DNAI7: variants seen among roughly 807,000 people sequenced by gnomAD.
The protein encoded by DNAI7 is dynein axonemal intermediate chain 7, also known as cancer susceptibility 1.
A neutral mutation model predicts 86.6 loss-of-function variants in DNAI7; 78 were observed. The observed-to-expected ratio is 0.90, with a 90% CI of 0.75 to 1.09. The LOEUF (loss-of-function observed/expected upper bound fraction) is 1.09. DNAI7 is among the 50% of genes least tolerant of loss of function. The pLI, the probability that DNAI7 is intolerant of heterozygous loss-of-function variation, is 0.00. For missense variants in DNAI7, 753 were observed against 810.2 expected (o/e 0.93, Z 0.86); for synonymous variants, 274 against 273.0 (o/e 1.00, Z -0.04).
downstream of DNAI7, chr12:25,108,257 TTGAA>T (rs2140298544): frequency 5.1e-6 from 3 of 592,828 alleles, no homozygotes; most frequent in East Asian, 2.8e-5. Context: ...CCTATGATCT[TTGAA>T]TGAGCTTTTT....
intron 9 of DNAI7, among the ~76,000 whole-genome samples, chr12:25,135,902 AT>A (rs1943492776): frequency 6.6e-6 from 1 of 151,906 alleles, no homozygotes; most frequent in Non-Finnish European, 1.5e-5. Context: ...CCTCCACCTG[AT>A]GGTCTTTCTT....
At chr12:25,145,937 T>A (rs570680900) in intron 8 of DNAI7, among the ~76,000 whole-genome samples, 1 of 152,334 alleles carries the variant, frequency 6.6e-6, no homozygotes, top group South Asian at 2.1e-4. Context: ...AAACCTATTA[T>A]GTTTGCCGGG....
chr12:25,114,632 A>G (rs895849998), intron 13 of DNAI7, 24 bp downstream of exon 13: 5 of 1,508,414 alleles, frequency 3.3e-6, no homozygotes, highest in Non-Finnish European at 4.6e-6. Flanking sequence ...ACGATAGTAC[A>G]TAACAGCTAC....
downstream of DNAI7, among the ~76,000 whole-genome samples, chr12:25,107,347 A>C (rs548095016): frequency 2.0e-5 from 3 of 152,290 alleles, no homozygotes; most frequent in South Asian, 2.1e-4. Context: ...GCATGTATCC[A>C]TAGGAAAAAA....
rs1023904527 is a variant in DNAI7 at position 25,147,086 on chromosome 12, C to G, written c.604G>C (p.Asp202His). 1 of 1,593,094 alleles carries G rather than the reference C, an allele frequency of 6.3e-7. No individual in the cohort carries two copies. Among genetic ancestry groups the G allele is most frequent in the Admixed American group, 1.7e-5 (1 of 59,978 alleles). ...ILLKQASTLA[D>H]LDSGNMEKVI... The stretch of plus-strand genomic sequence containing the variant: ...TTTTCCATATTTCCACTGTCCAGAT[C>G]TGCCAAAGTACTAGCTTGCTGTAAG... The change falls in exon 8 of 16, where the codon GAT (aspartate) becomes CAT (histidine). Residue 202 changes from aspartate to histidine, a missense_variant. Physicochemically the swap from Asp to His is moderately conservative, Grantham distance 81. Transcript: ENST00000395987.
At chr12:25,119,021 G>A in intron 12 of DNAI7, 124 bp downstream of exon 12, 1 of 738,272 alleles carries the variant, frequency 1.4e-6, no homozygotes, top group Non-Finnish European at 2.1e-6. Context: ...AACAAAACAA[G>A]ACCCTTGAAT....
At chr12:25,172,880 T>A (rs528544181) in intron 2 of DNAI7, among the ~76,000 whole-genome samples, 1 of 152,138 alleles carries the variant, frequency 6.6e-6, no homozygotes, top group Non-Finnish European at 1.5e-5. Context: ...CAAATGGTGC[T>A]GGGATAATTG....
intron 2 of DNAI7, among the ~76,000 whole-genome samples, chr12:25,174,635 C>CAT (rs1464764572): frequency 1.3e-5 from 1 of 78,372 alleles, no homozygotes; most frequent in Non-Finnish European, 2.4e-5. Context: ...GGATATATAT[C>CAT]ATATATATGG....
chr12:25,149,964 T>C (rs1456849189), intron 6 of DNAI7, among the ~76,000 whole-genome samples, 190 bp from the exon 7 acceptor site: 1 of 152,158 alleles, frequency 6.6e-6, no homozygotes, highest in Non-Finnish European at 1.5e-5. Flanking sequence ...TAAAATTAAT[T>C]ATAACACACT....
intron 2 of DNAI7, among the ~76,000 whole-genome samples, chr12:25,164,173 C>T (rs1342652979): frequency 1.3e-5 from 2 of 151,824 alleles, no homozygotes; most frequent in Admixed American, 1.3e-4. Flanking sequence ...ATCCCCCGAC[C>T]CTTCTCTCCA....
chr12:25,187,745 A>T (rs142239126), intron 2 of DNAI7, among the ~76,000 whole-genome samples: 1 of 152,220 alleles, frequency 6.6e-6, no homozygotes, highest in Non-Finnish European at 1.5e-5. Context: ...TCCCCAAGGT[A>T]TACTTACTCC....
At chr12:25,123,909 G>A (rs1038372747) in intron 9 of DNAI7, among the ~76,000 whole-genome samples, 7 of 152,020 alleles carry the variant, frequency 4.6e-5, no homozygotes, top group South Asian at 2.1e-4. Context: ...CAAACAATCC[G>A]AAGAAATAAG....
chr12:25,174,413 TGGG>T lies in DNAI7; in HGVS notation c.22-13219_22-13217del, dbSNP rs1489580907. Among the ~76,000 whole-genome samples the T allele has an allele frequency of 8.8e-4, 7 of 7,956 alleles. 3 individuals are homozygous for T. The highest frequency in any genetic ancestry group is 5.9e-3 in the African/African-American group (7 of 1,188). 5.2% of individuals were successfully genotyped at this position (7,956 alleles called of 152,430 possible). ...GGATATATCATATATATGGGATATATGGGATATATATATCATATATATCATATA... is the reference window on the plus strand; with the variant it reads ...GGATATATCATATATATGGGATATATATATATATATCATATATATCATATA... On this transcript the variant is annotated intron_variant, in intron 2 of 15. Transcript: ENST00000395987.
At chr12:25,165,023 T>C (rs1459541037) in intron 2 of DNAI7, among the ~76,000 whole-genome samples, 2 of 152,164 alleles carry the variant, frequency 1.3e-5, no homozygotes, top group South Asian at 2.1e-4. Context: ...CCAAATCAGA[T>C]AGTGTTTAGG....
chr12:25,127,316 T>G (rs996036204), intron 9 of DNAI7, among the ~76,000 whole-genome samples: 17 of 152,166 alleles, frequency 1.1e-4, no homozygotes, highest in African/African-American at 4.1e-4. Context: ...ACTCCTTGTG[T>G]TTGTTGGCAA....
Position 25,188,666 on chromosome 12 carries a change from T to C in DNAI7, c.21+1948A>G, listed in dbSNP as rs1237963017. On this transcript the variant is annotated intron_variant, in intron 2 of 15. Transcript: ENST00000395987. The stretch of plus-strand genomic sequence containing the variant: ...TCCAGCCTTGGCAACAGAGCAAGAC[T>C]CTGTCTCAAAAAAAAAAAAAAAAAA... Among the ~76,000 whole-genome samples, 8 of 78,228 alleles carry C rather than the reference T, an allele frequency of 1.0e-4. No individual in the cohort carries two copies. The Admixed American group carries it at 1.4e-3, about 13-fold the overall frequency. 51.3% of individuals were successfully genotyped at this position (78,228 alleles called of 152,430 possible).
At chr12:25,161,037 T>A in intron 3 of DNAI7, 76 bp downstream of exon 3, 1 of 1,031,820 alleles carries the variant, frequency 9.7e-7, no homozygotes, top group Non-Finnish European at 1.5e-6. Flanking sequence ...TGAAAAAATA[T>A]TGACTTTACT....
chr12:25,168,990 A>C (rs1947817477), intron 2 of DNAI7, among the ~76,000 whole-genome samples: 1 of 152,130 alleles, frequency 6.6e-6, no homozygotes, highest in African/African-American at 2.4e-5. Context: ...TCCCGCTTGA[A>C]GCAGCCCTGA....
At chr12:25,177,453 A>C (rs1949081469) in intron 2 of DNAI7, among the ~76,000 whole-genome samples, 1 of 152,198 alleles carries the variant, frequency 6.6e-6, no homozygotes, top group Non-Finnish European at 1.5e-5. Context: ...ACTTCTTTAG[A>C]TATACATTAT....
Sources: gnomAD v4.1 joint callset for allele counts (sites outside exome capture counted in the v4.1 genomes callset) on GRCh38, gnomAD v4.1.1 for gene constraint, MANE v1.5 for transcripts, NCBI Gene and HGNC (gene_info 2026-07-23, HGNC 2026-07-21) for gene names.